SLC35F3: variants seen among roughly 807,000 people sequenced by gnomAD.
The protein encoded by SLC35F3 is putative thiamine transporter SLC35F3.
A neutral mutation model predicts 49.9 loss-of-function variants in SLC35F3; 25 were observed. The observed-to-expected ratio is 0.50, with a 90% confidence interval of 0.37 to 0.70. The LOEUF is 0.70. Among genes scored for constraint, SLC35F3 ranks in the 30% least tolerant of loss-of-function variants. The probability of loss-of-function intolerance (pLI) is 0.00; values close to 1 mark genes in which losing one functional copy is unlikely to be tolerated. For synonymous variants in SLC35F3, 275 were observed against 265.4 expected (o/e 1.04, Z -0.35); for missense variants, 525 against 639.8 (o/e 0.82, Z 1.94).
At chr1:234,155,582 T>A (rs1666139317) in intron 2 of SLC35F3, among the ~76,000 whole-genome samples, 1 of 151,992 alleles carries the variant, frequency 6.6e-6, no homozygotes. Context: ...AGAATACCTA[T>A]ATTAAACCAG....
At chr1:234,117,952 G>A (rs1281104960) in intron 2 of SLC35F3, among the ~76,000 whole-genome samples, 2,695 of 24,452 alleles carry the variant, frequency 0.11, 377 homozygotes, top group East Asian at 0.76. Context: ...GTGTGTGTGT[G>A]TGTGTGTGTG....
At chr1:234,261,588 CTTT>C (rs1266688234) in intron 3 of SLC35F3, 1 of 152,296 alleles carries the variant, frequency 6.6e-6, no homozygotes, top group Non-Finnish European at 1.5e-5. Flanking sequence ...TGGCCGGCTT[CTTT>C]ATTACATCCT....
intron 2 of SLC35F3, among the ~76,000 whole-genome samples, chr1:233,962,582 C>T (rs1341454401): frequency 6.6e-6 from 1 of 152,226 alleles, no homozygotes; most frequent in East Asian, 1.9e-4. Flanking sequence ...GTAATGTCTA[C>T]AGAAAGTTAA....
At chr1:234,096,885 C>CT (rs34404610) in intron 2 of SLC35F3, among the ~76,000 whole-genome samples, 1,690 of 132,070 alleles carry the variant, frequency 0.013, 15 homozygotes, top group African/African-American at 0.018. Context: ...TTGTTAAATT[C>CT]TTTTTTTTTT....
At chr1:234,002,571 G>A (rs187404764) in intron 2 of SLC35F3, among the ~76,000 whole-genome samples, 36 of 152,236 alleles carry the variant, frequency 2.4e-4, no homozygotes, top group African/African-American at 8.4e-4. Context: ...ATGATGTTGT[G>A]TCCAGGTTAC....
rs1236388227 is a variant in SLC35F3 at position 234,231,821 on chromosome 1, G to A, written c.608+80G>A. The A allele has an allele frequency of 1.5e-6, 2 of 1,378,042 alleles. No individual in the cohort carries two copies. The highest frequency in any genetic ancestry group is 1.4e-5 in the African/African-American group (1 of 69,220). 85.4% of individuals were successfully genotyped at this position (1,378,042 alleles called of 1,614,324 possible). A position where few individuals can be genotyped will look rare whatever the true frequency, so the allele number is the denominator to read the frequency against. On this transcript the variant is annotated intron_variant, in intron 3 of 7. Coordinates refer to ENST00000366618, the MANE Select transcript of SLC35F3 (RefSeq NM_173508.4). The surrounding 1 kb of genome is among the most constrained non-coding windows in gnomAD (Gnocchi z 5.4). ...CTGACTCTGCAGAGCTGCCCCTGGTGGCAGGCGCTGGGATGAGCCGGTGGG... is the reference window on the plus strand; with the variant it reads ...CTGACTCTGCAGAGCTGCCCCTGGTAGCAGGCGCTGGGATGAGCCGGTGGG...
intron 3 of SLC35F3, among the ~76,000 whole-genome samples, chr1:234,292,227 T>C (rs909798072): frequency 1.3e-5 from 2 of 152,226 alleles, no homozygotes; most frequent in African/African-American, 4.8e-5. Context: ...GCAGTTGATC[T>C]CTTGCAAACC....
At chr1:234,110,112 T>C (rs1268139317) in intron 2 of SLC35F3, among the ~76,000 whole-genome samples, 2 of 78,696 alleles carry the variant, frequency 2.5e-5, no homozygotes, top group African/African-American at 8.5e-5. Context: ...AGCTAGAGAA[T>C]TGAGAAGGTG....
At chr1:234,089,108 C>T (rs538823721) in intron 2 of SLC35F3, among the ~76,000 whole-genome samples, 17 of 152,176 alleles carry the variant, frequency 1.1e-4, no homozygotes, top group East Asian at 1.9e-4. Context: ...TGGTGTTCCA[C>T]GAGGCAGTGT....
intron 3 of SLC35F3, among the ~76,000 whole-genome samples, chr1:234,247,915 G>GTTGA (rs1667666767): frequency 9.4e-6 from 1 of 105,896 alleles, no homozygotes; most frequent in Non-Finnish European, 2.2e-5. Flanking sequence ...AGGTTGGTTG[G>GTTGA]TCCATTGCTT....
At chr1:234,303,567 A>G (rs1439853407) in intron 3 of SLC35F3, among the ~76,000 whole-genome samples, 1 of 152,262 alleles carries the variant, frequency 6.6e-6, no homozygotes, top group Non-Finnish European at 1.5e-5. Flanking sequence ...TGCATAGCTG[A>G]AAATGCCTTC....
At chr1:234,259,687 G>A (rs1250551126) in intron 3 of SLC35F3, among the ~76,000 whole-genome samples, 2 of 150,722 alleles carry the variant, frequency 1.3e-5, no homozygotes, top group East Asian at 1.9e-4. Context: ...TAATAATAAT[G>A]ATAATAATAA....
intron 2 of SLC35F3, among the ~76,000 whole-genome samples, chr1:234,112,825 T>C (rs955074493): frequency 7.3e-6 from 1 of 136,084 alleles, no homozygotes; most frequent in African/African-American, 2.7e-5. Flanking sequence ...TCCACCCTCC[T>C]CGGCCTCCCA....
At position 234,323,484 on chromosome 1, in the gene SLC35F3, G is replaced by C; in HGVS notation, c.*241G>C. 1.9e-6 allele frequency: 1 copy of C among 539,750 alleles called. No individual in the cohort carries two copies. Among genetic ancestry groups the C allele is most frequent in the South Asian group, 2.3e-5 (1 of 43,410 alleles). 33.4% of individuals were successfully genotyped at this position (539,750 alleles called of 1,614,324 possible). ...AGTGCTTTTCCAACGAATGTAAAGT[G>C]GGTTTAAAAGTTCCCTGCGTAGATC... On this transcript the variant is annotated 3_prime_UTR_variant, in exon 8 of 8. Transcript: ENST00000366618. The surrounding 1 kb of genome is among the most constrained non-coding windows in gnomAD (Gnocchi z 4.5).
At chr1:234,054,400 A>G (rs1259109107) in intron 2 of SLC35F3, among the ~76,000 whole-genome samples, 3 of 152,130 alleles carry the variant, frequency 2.0e-5, no homozygotes, top group Non-Finnish European at 4.4e-5. Flanking sequence ...TTGATGTTCA[A>G]TCACTGACTC....
intron 2 of SLC35F3, among the ~76,000 whole-genome samples, chr1:234,110,698 A>G (rs1235930232): frequency 1.3e-5 from 2 of 151,972 alleles, no homozygotes; most frequent in Non-Finnish European, 2.9e-5. Flanking sequence ...ATGCTATGGA[A>G]GACAGTTTCA....
rs78540743 is a variant in SLC35F3 at position 233,910,546 on chromosome 1, C to T, written c.283+4788C>T. On this transcript the variant is annotated intron_variant, in intron 2 of 7. Coordinates refer to ENST00000366618, the MANE Select transcript of SLC35F3 (RefSeq NM_173508.4). ...GTGGCTCACTGTCCAGGTGTGCCTT[C>T]GTCTAGAAATACAGGTCAACACAAA... is the stretch of plus-strand genomic sequence containing the variant. Among the ~76,000 whole-genome samples the T allele has an allele frequency of 6.7e-3, 1,026 of 152,260 alleles. 12 individuals carry two copies. Among genetic ancestry groups the T allele is most frequent in the Middle Eastern group, 0.031 (9 of 294 alleles).
chr1:234,133,001 T>A (rs1665757420), intron 2 of SLC35F3, among the ~76,000 whole-genome samples: 1 of 152,176 alleles, frequency 6.6e-6, no homozygotes, highest in South Asian at 2.1e-4. Flanking sequence ...TTGTGCCAGT[T>A]TTATAGATGA....
chr1:233,917,675 A>T (rs990587353), intron 2 of SLC35F3, among the ~76,000 whole-genome samples: 7 of 152,316 alleles, frequency 4.6e-5, no homozygotes, highest in African/African-American at 1.7e-4. Flanking sequence ...TCTCTCTTGC[A>T]CTACTGTACA....
Sources: gnomAD v4.1 joint callset for allele counts (sites outside exome capture counted in the v4.1 genomes callset) on GRCh38, gnomAD v4.1.1 for gene constraint, Gnocchi (gnomAD v3.1) non-coding constraint, MANE v1.5 for transcripts, NCBI Gene and HGNC (gene_info 2026-07-23, HGNC 2026-07-21) for gene names.